DTNB: variants seen among roughly 807,000 people sequenced by gnomAD.
DTNB encodes DTN-B.
A neutral mutation model predicts 90.7 loss-of-function variants in DTNB; 63 were observed. That is an observed-to-expected ratio of 0.69 (90% CI 0.57 to 0.86). The LOEUF (loss-of-function observed/expected upper bound fraction) is 0.86. Ranked by LOEUF, DTNB falls within the 40% of genes least tolerant of loss-of-function variation. The probability of loss-of-function intolerance (pLI) is 0.00; values close to 1 mark genes in which losing one functional copy is unlikely to be tolerated. For missense variants in DTNB, 744 were observed against 807.1 expected (o/e 0.92, Z 0.95); for synonymous variants, 277 against 286.7 (o/e 0.97, Z 0.34).
chr2:25,529,031 A>C (rs2077654423), intron 9 of DTNB, among the ~76,000 whole-genome samples: 1 of 152,240 alleles, frequency 6.6e-6, no homozygotes, highest in Admixed American at 6.5e-5. Context: ...TGAGGAACTC[A>C]ATAAGATGAG....
intron 19 of DTNB, among the ~76,000 whole-genome samples, chr2:25,380,245 C>T (rs2037238053): frequency 6.6e-6 from 1 of 152,188 alleles, no homozygotes; most frequent in Non-Finnish European, 1.5e-5. Flanking sequence ...CAAATATACT[C>T]TCTCTCTTTA....
In DTNB at chr2:25,400,000, T is replaced by C. The variant is rs180877787; in HGVS notation, c.1576-11639A>G. Among the ~76,000 whole-genome samples, 20 of 152,302 alleles carry C rather than the reference T, an allele frequency of 1.3e-4. No homozygotes were observed. In the East Asian group the frequency reaches 3.9e-3, roughly 29 times the overall value. On this transcript the variant is annotated intron_variant, in intron 16 of 20. Coordinates refer to ENST00000406818, the MANE Select transcript of DTNB (RefSeq NM_021907.5). ...CGGTCACGTCATGGCATATTCTGCT[T>C]CTAACTTTCCTTTCTCACAAGTGGA...
chr2:25,493,025 G>A (rs756227187), intron 9 of DTNB, among the ~76,000 whole-genome samples: 1 of 152,092 alleles, frequency 6.6e-6, no homozygotes, highest in African/African-American at 2.4e-5. Context: ...ATTTATTGGC[G>A]CATTAGCTCT....
intron 9 of DTNB, among the ~76,000 whole-genome samples, chr2:25,522,634 TA>T (rs1279160852): frequency 6.6e-6 from 1 of 151,606 alleles, no homozygotes; most frequent in African/African-American, 2.4e-5. Context: ...TACATTATCT[TA>T]AAAAAATCCT....
chr2:25,451,713 GAAGAAAAGCTCATAA>G (rs1162665881), intron 11 of DTNB, 78 bp from the exon 12 acceptor site: 10 of 1,334,226 alleles, frequency 7.5e-6, no homozygotes, highest in Non-Finnish European at 1.0e-5. Context: ...AGAACAGATG[GAAGAAAAGCTCATAA>G]AAGAATGGTA....
In DTNB at chr2:25,607,228, ATACT is replaced by A. The variant is rs779861170; in HGVS notation, c.448+4_448+7del. The A allele has an allele frequency of 1.3e-6, 2 of 1,585,054 alleles. No individual in the cohort carries two copies. Among genetic ancestry groups the A allele is most frequent in the Middle Eastern group, 1.7e-4 (1 of 6,026 alleles). On this transcript the variant is annotated splice_donor_5th_base_variant and intron_variant, in intron 5 of 20. Coordinates refer to ENST00000406818, the MANE Select transcript of DTNB (RefSeq NM_021907.5). ...ATGGCATTTTTCAAATAATATGAAA[ATACT>A]TACATCTCAATTTGTCCAGCATTTT...
chr2:25,640,228 G>A (rs1255886597), intron 2 of DTNB, among the ~76,000 whole-genome samples: 7 of 152,136 alleles, frequency 4.6e-5, no homozygotes, highest in African/African-American at 1.7e-4. Context: ...TAAGACCACT[G>A]TAGATAGGAT....
In DTNB at chr2:25,387,490, A is replaced by G; in HGVS notation, c.1736-112T>C. The G allele has an allele frequency of 9.3e-6, 9 of 969,094 alleles. No individual in the cohort carries two copies. Among genetic ancestry groups the G allele is most frequent in the Non-Finnish European group, 1.4e-5 (9 of 646,878 alleles). The allele number at this position is 969,094 out of a possible 1,614,324, so 60.0% of individuals were successfully genotyped here. A position where few individuals can be genotyped will look rare whatever the true frequency, so the allele number is the denominator to read the frequency against. ...CCGAGAACACAGGTGTGGAACACCT[A>G]AGGGGAGATGGGGCCACAGCAGCTC... On this transcript the variant is annotated intron_variant, in intron 17 of 20. Transcript: ENST00000406818. This position sits in a 1 kb window ranked among gnomAD's most constrained non-coding sequence, Gnocchi z 4.5.
At chr2:25,504,789 A>C (rs1249958311) in intron 9 of DTNB, among the ~76,000 whole-genome samples, 1 of 152,230 alleles carries the variant, frequency 6.6e-6, no homozygotes, top group Non-Finnish European at 1.5e-5. Flanking sequence ...AATATTCCCC[A>C]AATAGATCTA....
chr2:25,546,545 G>T (rs563697362), intron 8 of DTNB, among the ~76,000 whole-genome samples: 5 of 152,132 alleles, frequency 3.3e-5, no homozygotes, highest in Non-Finnish European at 7.4e-5. Context: ...ACCTTGTTTC[G>T]TGAACCCAAG....
intron 8 of DTNB, among the ~76,000 whole-genome samples, chr2:25,549,829 T>C (rs1484382111): frequency 6.6e-6 from 1 of 151,758 alleles, no homozygotes; most frequent in African/African-American, 2.4e-5. Context: ...CCCGGCTAAT[T>C]TTTGTATTTT....
chr2:25,565,239 GT>G (rs1252393021), intron 8 of DTNB, among the ~76,000 whole-genome samples: 1 of 151,918 alleles, frequency 6.6e-6, no homozygotes, highest in African/African-American at 2.4e-5. Flanking sequence ...TTAACTGTGG[GT>G]TTTTCTTTCT....
At chr2:25,639,779 TAGA>T (rs1437990890) in intron 2 of DTNB, among the ~76,000 whole-genome samples, 1 of 152,146 alleles carries the variant, frequency 6.6e-6, no homozygotes, top group African/African-American at 2.4e-5. Flanking sequence ...CTTCTGGAGA[TAGA>T]TGATAACAGA....
intron 18 of DTNB, among the ~76,000 whole-genome samples, chr2:25,384,638 T>C (rs951133888): frequency 2.0e-5 from 3 of 152,104 alleles, no homozygotes; most frequent in African/African-American, 7.2e-5. Context: ...GGGTTGTCAT[T>C]TGCCATCCAA....
intron 1 of DTNB, among the ~76,000 whole-genome samples, chr2:25,660,259 G>A (rs754915490): frequency 1.9e-4 from 29 of 152,194 alleles, no homozygotes; most frequent in Non-Finnish European, 3.7e-4. Context: ...AAGGAATGAA[G>A]TACTGAAGCA....
chr2:25,496,757 C>T (rs752726679), intron 9 of DTNB, among the ~76,000 whole-genome samples: 6 of 151,644 alleles, frequency 4.0e-5, no homozygotes, highest in Non-Finnish European at 7.4e-5. Context: ...GCTGGAGAAT[C>T]GCTTGAACCC....
chr2:25,429,288 A>G (rs962373651), intron 14 of DTNB, among the ~76,000 whole-genome samples: 3 of 152,190 alleles, frequency 2.0e-5, no homozygotes, highest in African/African-American at 4.8e-5. Flanking sequence ...TGGTTTTTCA[A>G]TGAGGCTGTT....
intron 9 of DTNB, among the ~76,000 whole-genome samples, chr2:25,502,880 T>TAA (rs776792939): frequency 6.3e-5 from 5 of 79,502 alleles, no homozygotes; most frequent in South Asian, 4.4e-4. Flanking sequence ...AGCAACTGTC[T>TAA]AAAAAAAAAA....
intron 4 of DTNB, among the ~76,000 whole-genome samples, chr2:25,624,347 T>TAA (rs1480965225): frequency 2.6e-5 from 4 of 152,232 alleles, no homozygotes; most frequent in Non-Finnish European, 2.9e-5. Context: ...CATGGGTGTC[T>TAA]AAAAGATGGG....
Sources: gnomAD v4.1 joint callset for allele counts (sites outside exome capture counted in the v4.1 genomes callset) on GRCh38, gnomAD v4.1.1 for gene constraint, Gnocchi (gnomAD v3.1) non-coding constraint, MANE v1.5 for transcripts, NCBI Gene and HGNC (gene_info 2026-07-23, HGNC 2026-07-21) for gene names.